The following ARHGAP11B variants were observed in gnomAD, a reference collection of about 807,000 sequenced individuals.
ARHGAP11B encodes the protein inactive Rho GTPase-activating protein 11B.
Under a neutral mutation model 27.6 loss-of-function variants are expected in ARHGAP11B, and 14 were observed. The observed-to-expected ratio is 0.51, with a 90% confidence interval of 0.34 to 0.79. The LOEUF (loss-of-function observed/expected upper bound fraction) is 0.79. Among genes scored for constraint, ARHGAP11B ranks in the 30% least tolerant of loss-of-function variants. The pLI is 0.02. For missense variants in ARHGAP11B, 245 were observed against 320.1 expected (o/e 0.77, Z 1.79); for synonymous variants, 82 against 114.1 (o/e 0.72, Z 1.80).
chr15:30,643,423 G>C (rs1029929595), intron 7 of ARHGAP11B, among the ~76,000 whole-genome samples: 3 of 151,564 alleles, frequency 2.0e-5, no homozygotes, highest in African/African-American at 4.8e-5. Flanking sequence ...GGATTACAGG[G>C]GCCTGCCACT....
rs141590604 is a variant in ARHGAP11B, at chr15:30,631,415, A to G, written c.200+642A>G. Among the ~76,000 whole-genome samples the G allele has an allele frequency of 9.9e-3, 1,501 of 152,084 alleles. 29 individuals are homozygous for G. Among genetic ancestry groups the G allele is most frequent in the African/African-American group, 0.034 (1,426 of 41,494 alleles). On this transcript the variant is annotated intron_variant, in intron 2 of 10. Coordinates refer to ENST00000428041, the Ensembl canonical transcript of ARHGAP11B. ...AGTAGCTCATGCCTATAATCCCAGCATTTTGAGGGCCGAGGCAGGAGGATC... is the reference window on the plus strand; with the variant it reads ...AGTAGCTCATGCCTATAATCCCAGCGTTTTGAGGGCCGAGGCAGGAGGATC...
At chr15:30,646,547 A>G (rs532871050) in intron 9 of ARHGAP11B, among the ~76,000 whole-genome samples, 2 of 152,102 alleles carry the variant, frequency 1.3e-5, no homozygotes, top group South Asian at 4.1e-4. Flanking sequence ...AAGATTTTAA[A>G]AAAATATATA....
chr15:30,640,892 CAT>C (rs1259787162), intron 7 of ARHGAP11B, among the ~76,000 whole-genome samples: 1 of 151,454 alleles, frequency 6.6e-6, no homozygotes, highest in Non-Finnish European at 1.5e-5. Flanking sequence ...TTTTAAGTAA[CAT>C]AGTTCAGTTT....
chr15:30,648,741 G>C (rs2060367626), exon 11 of ARHGAP11B: 1 of 151,928 alleles, frequency 6.6e-6, no homozygotes, highest in South Asian at 2.1e-4. Context: ...TGAAAAAACG[G>C]AGGTGAAAGG....
intron 7 of ARHGAP11B, among the ~76,000 whole-genome samples, chr15:30,643,826 A>G (rs2060329118): frequency 6.6e-6 from 1 of 152,092 alleles, no homozygotes; most frequent in Admixed American, 6.6e-5. Flanking sequence ...AATATTACAT[A>G]TAGAAGTTTT....
chr15:30,638,362 A>G (rs930787685), intron 6 of ARHGAP11B, among the ~76,000 whole-genome samples: 1 of 151,714 alleles, frequency 6.6e-6, no homozygotes, highest in Non-Finnish European at 1.5e-5. Flanking sequence ...TAATGTTTTT[A>G]CTTCCATCTC....
chr15:30,633,472 A>G lies in ARHGAP11B; in HGVS notation c.201-18A>G. On this transcript the variant is annotated intron_variant, in intron 2 of 10. Transcript: ENST00000428041. ...TGTGATATGTATGTCTAGCCACCTG[A>G]AAAAATCTCTCTTTCAGCTTTCTTG... The G allele has an allele frequency of 6.2e-7, 1 of 1,601,788 alleles. No individual in the cohort carries two copies. The highest frequency in any genetic ancestry group is 8.5e-7 in the Non-Finnish European group (1 of 1,173,918).
intron 1 of ARHGAP11B, 107 bp downstream of exon 1, chr15:30,627,056 G>A (rs954652073): frequency 2.0e-6 from 3 of 1,505,786 alleles, no homozygotes; most frequent in African/African-American, 2.8e-5. Flanking sequence ...CAAAAAGAAT[G>A]GTTAGGTGTG....
chr15:30,635,612 A>G lies in ARHGAP11B; in HGVS notation c.786A>G (p.Glu262=). Residue 262 remains glutamate (E), a synonymous_variant, in exon 6 of 11, where the codon GAA becomes GAG. Transcript: ENST00000428041. ...TGAAACTCCTGGTGAATATAAGAGAAAGAGAAGACAACGTGTAGGAGGTAA... is the reference window on the plus strand; with the variant it reads ...TGAAACTCCTGGTGAATATAAGAGAGAGAGAAGACAACGTGTAGGAGGTAA... 1.9e-6 allele frequency: 3 copies of G among 1,613,568 alleles called. 1 individual carries two copies. The highest frequency in any genetic ancestry group is 2.5e-6 in the Non-Finnish European group (3 of 1,179,638).
At chr15:30,648,869 G>C (rs2060368739) in exon 11 of ARHGAP11B, 1 of 152,024 alleles carries the variant, frequency 6.6e-6, no homozygotes, top group Non-Finnish European at 1.5e-5. Flanking sequence ...TATACATCTT[G>C]TAATGTTACT....
intron 1 of ARHGAP11B, among the ~76,000 whole-genome samples, chr15:30,627,385 C>T (rs2140886834): frequency 6.6e-6 from 1 of 152,138 alleles, no homozygotes; most frequent in African/African-American, 2.4e-5. Context: ...AAAAACTCTA[C>T]CCCTCCACCC....
In ARHGAP11B at chr15:30,646,545, A is replaced by T. The variant is rs193052337; in HGVS notation, c.*324+250A>T. Among the ~76,000 whole-genome samples the T allele has an allele frequency of 5.9e-5, 9 of 152,000 alleles. No individual in the cohort carries two copies. In the East Asian group the frequency reaches 7.8e-4, roughly 13 times the overall value. ...ATTTTATGTTAACTTGTAAGATTTT[A>T]AAAAAATATATAGGCTGAGGCAGGA... On this transcript the variant is annotated intron_variant, in intron 9 of 10. Coordinates refer to ENST00000428041, the Ensembl canonical transcript of ARHGAP11B.
At chr15:30,631,256 T>C (rs2060243359) in intron 2 of ARHGAP11B, among the ~76,000 whole-genome samples, 1 of 151,898 alleles carries the variant, frequency 6.6e-6, no homozygotes, top group East Asian at 1.9e-4. Flanking sequence ...ACAAAAAATT[T>C]TTGTTCTGTT....
intron 1 of ARHGAP11B, among the ~76,000 whole-genome samples, chr15:30,630,057 T>C (rs1466715609): frequency 6.6e-6 from 1 of 152,118 alleles, no homozygotes; most frequent in Non-Finnish European, 1.5e-5. Flanking sequence ...AAAATTTGAA[T>C]GTGAGGTTTT....
At chr15:30,644,531 A>C (rs2060334626) in intron 7 of ARHGAP11B, 2 of 619,332 alleles carry the variant, frequency 3.2e-6, no homozygotes, top group South Asian at 4.5e-5. Flanking sequence ...CAAATTTTAC[A>C]CATTCTTTTT....
intron 7 of ARHGAP11B, among the ~76,000 whole-genome samples, chr15:30,640,903 T>TG (rs1216177794): frequency 3.3e-5 from 5 of 150,042 alleles, no homozygotes; most frequent in African/African-American, 1.2e-4. Flanking sequence ...ATAGTTCAGT[T>TG]TTTTTTTTTT....
rs760282309 is a variant in ARHGAP11B at position 30,626,777 on chromosome 15, G to A, written c.-44G>A. 1.9e-6 allele frequency: 3 copies of A among 1,594,844 alleles called. No homozygotes were observed. The East Asian group carries it at 6.7e-5, about 36-fold the overall frequency. The stretch of plus-strand genomic sequence containing the variant: ...ATTGGAAGACTTGGTGGCGAACGAG[G>A]GTCAGGACCTGCATCCTGCCTCAGA... On this transcript the variant is annotated 5_prime_UTR_variant, in exon 1 of 11. Transcript: ENST00000428041.
chr15:30,637,072 C>G (rs965372250), intron 6 of ARHGAP11B, among the ~76,000 whole-genome samples: 2 of 151,920 alleles, frequency 1.3e-5, no homozygotes, highest in African/African-American at 4.8e-5. Flanking sequence ...TTATTGCCCT[C>G]TTTCCCAGTC....
intron 2 of ARHGAP11B, among the ~76,000 whole-genome samples, chr15:30,631,787 C>CTT (rs765025486): frequency 4.3e-5 from 6 of 139,666 alleles, no homozygotes; most frequent in Non-Finnish European, 3.2e-5. Flanking sequence ...ACCTTTTGTT[C>CTT]TTTTTTTTTT....
Sources: gnomAD v4.1 joint callset for allele counts (sites outside exome capture counted in the v4.1 genomes callset) on GRCh38, gnomAD v4.1.1 for gene constraint, MANE v1.5 for transcripts, NCBI Gene and HGNC (gene_info 2026-07-23, HGNC 2026-07-21) for gene names.